Variants in ENTHD1 observed in about 807,000 individuals in gnomAD.
ENTHD1 encodes ENTH domain-containing protein 1.
In ENTHD1, 23 loss-of-function variants were observed where a neutral mutation model predicts 39.1. The observed-to-expected ratio is 0.59, with a 90% CI of 0.42 to 0.83. The LOEUF (loss-of-function observed/expected upper bound fraction) is 0.83, where lower values mean the gene tolerates loss of function less well. Among genes scored for constraint, ENTHD1 ranks in the 40% least tolerant of loss-of-function variants. The pLI is 0.00. For missense variants in ENTHD1, 624 were observed against 705.4 expected (o/e 0.88, Z 1.31); for synonymous variants, 230 against 258.2 (o/e 0.89, Z 1.05).
chr22:39,855,345 T>C (rs1208332033), intron 3 of ENTHD1, among the ~76,000 whole-genome samples: 1 of 152,216 alleles, frequency 6.6e-6, no homozygotes, highest in Non-Finnish European at 1.5e-5. Flanking sequence ...CTGTTTTACA[T>C]ATTCAAATTT....
intron 2 of ENTHD1, among the ~76,000 whole-genome samples, chr22:39,871,324 T>C (rs1277581263): frequency 4.6e-5 from 7 of 152,160 alleles, no homozygotes; most frequent in Admixed American, 1.3e-4. Flanking sequence ...GAGCTGATAG[T>C]AGTAACTAAT....
intron 2 of ENTHD1, among the ~76,000 whole-genome samples, chr22:39,876,937 C>T (rs2066295301): frequency 6.6e-6 from 1 of 152,188 alleles, no homozygotes. Context: ...GAACACTGTT[C>T]TTGCCCTTGA....
chr22:39,788,352 A>C (rs1260401457), intron 5 of ENTHD1, among the ~76,000 whole-genome samples: 1 of 152,232 alleles, frequency 6.6e-6, no homozygotes, highest in Non-Finnish European at 1.5e-5. Context: ...GAGGGGCTCA[A>C]GACTTCAGTG....
At chr22:39,853,483 A>G (rs1046145278) in intron 3 of ENTHD1, among the ~76,000 whole-genome samples, 4 of 152,122 alleles carry the variant, frequency 2.6e-5, no homozygotes, top group African/African-American at 7.2e-5. Flanking sequence ...GTGAGCTGCA[A>G]TCGTGCCACT....
intron 5 of ENTHD1, among the ~76,000 whole-genome samples, chr22:39,803,520 T>C (rs546224256): frequency 4.6e-5 from 7 of 152,152 alleles, no homozygotes; most frequent in African/African-American, 1.7e-4. Context: ...GAGTCTGCCA[T>C]GTTTACTGCC....
At chr22:39,866,136 C>T (rs1002366512) in intron 2 of ENTHD1, among the ~76,000 whole-genome samples, 6 of 152,216 alleles carry the variant, frequency 3.9e-5, no homozygotes, top group East Asian at 1.9e-4. Flanking sequence ...TAGAGCACAA[C>T]GGGGGCGTGA....
At chr22:39,852,154 G>A (rs1044070950) in intron 3 of ENTHD1, among the ~76,000 whole-genome samples, 2 of 151,240 alleles carry the variant, frequency 1.3e-5, no homozygotes, top group Non-Finnish European at 2.9e-5. Flanking sequence ...GCAACATGGT[G>A]AAACTTTGTT....
intron 2 of ENTHD1, among the ~76,000 whole-genome samples, chr22:39,863,396 G>A (rs1366521537): frequency 6.6e-6 from 1 of 152,176 alleles, no homozygotes; most frequent in Non-Finnish European, 1.5e-5. Flanking sequence ...TCAAAGACAA[G>A]AATTCTAGTG....
chr22:39,828,420 G>A (rs1350875980), intron 4 of ENTHD1, among the ~76,000 whole-genome samples: 1 of 152,152 alleles, frequency 6.6e-6, no homozygotes, highest in African/African-American at 2.4e-5. Flanking sequence ...AGAATAAGTA[G>A]AATTTCCATT....
At chr22:39,750,948 C>A (rs2065142745) in intron 6 of ENTHD1, 2 of 154,176 alleles carry the variant, frequency 1.3e-5, no homozygotes, top group African/African-American at 2.4e-5. Flanking sequence ...ATCCAAAAAG[C>A]CACAGAAATA....
chr22:39,884,589 C>T (rs2066366047), intron 2 of ENTHD1, among the ~76,000 whole-genome samples: 1 of 151,464 alleles, frequency 6.6e-6, no homozygotes, highest in African/African-American at 2.4e-5. Context: ...ATGTTGGAGA[C>T]TCACACTCCT....
chr22:39,869,194 G>A (rs1011927557), intron 2 of ENTHD1, among the ~76,000 whole-genome samples: 21 of 152,116 alleles, frequency 1.4e-4, no homozygotes, highest in African/African-American at 4.8e-4. Flanking sequence ...GTTCACAATA[G>A]CAAAGACGTG....
chr22:39,811,995 A>C (rs1052463056), intron 5 of ENTHD1, among the ~76,000 whole-genome samples: 1 of 84,580 alleles, frequency 1.2e-5, no homozygotes, highest in African/African-American at 4.9e-5. Flanking sequence ...AACAAAAACA[A>C]AAACAAACAA....
intron 5 of ENTHD1, among the ~76,000 whole-genome samples, chr22:39,811,553 C>G (rs2065686096): frequency 6.6e-6 from 1 of 152,218 alleles, no homozygotes; most frequent in Non-Finnish European, 1.5e-5. Context: ...TGGCTTGCTA[C>G]TACACCCTGA....
chr22:39,798,726 G>A (rs770640764), intron 5 of ENTHD1, among the ~76,000 whole-genome samples: 5 of 152,128 alleles, frequency 3.3e-5, no homozygotes, highest in African/African-American at 4.8e-5. Flanking sequence ...GGGCTTCCAC[G>A]TGGCTTGTTC....
At chr22:39,824,730 G>A (rs1366153651) in intron 4 of ENTHD1, among the ~76,000 whole-genome samples, 2 of 152,122 alleles carry the variant, frequency 1.3e-5, no homozygotes, top group African/African-American at 4.8e-5. Flanking sequence ...CCATGTTTGT[G>A]TGTGTCTATT....
chr22:39,835,945 C>T lies in ENTHD1; in HGVS notation c.606G>A (p.Lys202=). 6.2e-7 allele frequency: 1 copy of T among 1,603,760 alleles called. No homozygotes were observed. The highest frequency in any genetic ancestry group is 8.5e-7 in the Non-Finnish European group (1 of 1,174,512). ...GRLHNKRNVC[K]AGLKQEHCQD... is the part of the protein sequence containing the mutation. ...GGCAATGCTCTTGTTTCAATCCTGC[C>T]TTGCACACATTTCCTGTCAACAATA... The change falls in exon 4 of 7, where the codon AAG becomes AAA. Residue 202 remains lysine (K), a synonymous_variant. Transcript: ENST00000325157.
chr22:39,856,795 G>C (rs2066092309), intron 3 of ENTHD1, among the ~76,000 whole-genome samples: 1 of 150,234 alleles, frequency 6.7e-6, no homozygotes. Context: ...CAAGGCTGCA[G>C]TGAGTCATTA....
intron 6 of ENTHD1, among the ~76,000 whole-genome samples, chr22:39,747,696 A>G (rs1756761019): frequency 6.6e-6 from 1 of 152,162 alleles, no homozygotes; most frequent in Admixed American, 6.5e-5. Context: ...AGACAATCAG[A>G]AAACCTTAAT....
Sources: gnomAD v4.1 joint callset for allele counts (sites outside exome capture counted in the v4.1 genomes callset) on GRCh38, gnomAD v4.1.1 for gene constraint, MANE v1.5 for transcripts, NCBI Gene and HGNC (gene_info 2026-07-23, HGNC 2026-07-21) for gene names.